STAT5A: variants seen among roughly 807,000 people sequenced by gnomAD.
The protein encoded by STAT5A is signal transducer and activator of transcription 5A.
A neutral mutation model predicts 100.2 loss-of-function variants in STAT5A; 26 were observed. The observed-to-expected ratio is 0.26, with a 90% CI of 0.19 to 0.36. The LOEUF (loss-of-function observed/expected upper bound fraction) is 0.36. STAT5A is among the 10% of genes least tolerant of loss of function. The pLI is 1.00. For synonymous variants in STAT5A, 330 were observed against 424.3 expected (o/e 0.78, Z 2.73); for missense variants, 634 against 1,027.5 (o/e 0.62, Z 5.24).
intron 1 of STAT5A, among the ~76,000 whole-genome samples, chr17:42,289,021 A>C (rs974217166): frequency 2.0e-5 from 3 of 152,208 alleles, no homozygotes; most frequent in African/African-American, 7.2e-5. Flanking sequence ...CCCTTCCCAG[A>C]AACCGGGCCC....
chr17:42,310,589 C>A lies in STAT5A; in HGVS notation c.2305C>A (p.Arg769Ser). ...DVARHVEELL[R>S]RPMDSLDSRL... ...GGCCAGGCACGTGGAGGAACTCTTACGCCGACCAATGGACAGTCTTGACTC... is the reference window on the plus strand; with the variant it reads ...GGCCAGGCACGTGGAGGAACTCTTAAGCCGACCAATGGACAGTCTTGACTC... Residue 769 changes from arginine (R) to serine (S), a missense_variant, in exon 19 of 19, where the codon CGC becomes AGC. By Grantham distance (110) the Arg-to-Ser change is moderately radical. Transcript: ENST00000590949. 2.5e-6 allele frequency: 4 copies of A among 1,614,234 alleles called. No individual in the cohort carries two copies. Among genetic ancestry groups the A allele is most frequent in the Non-Finnish European group, 3.4e-6 (4 of 1,180,036 alleles).
At chr17:42,296,524 A>C (rs764153461) in intron 5 of STAT5A, among the ~76,000 whole-genome samples, 4 of 152,212 alleles carry the variant, frequency 2.6e-5, no homozygotes, top group Non-Finnish European at 5.9e-5. Context: ...GTAACACCTC[A>C]TCTTAGTGAG....
rs993007020 is a variant in STAT5A at position 42,307,593 on chromosome 17, G to T, written c.1776G>T (p.Gly592=). 2 of 1,614,088 alleles carry T rather than the reference G, an allele frequency of 1.2e-6. No homozygotes were observed. Among genetic ancestry groups the T allele is most frequent in the Non-Finnish European group, 1.7e-6 (2 of 1,179,994 alleles). ...GACGCTCAATGCTCCGTGCACCCAGGGCCATCCTAGGTTTTGTGAATAAGC... is the reference window on the plus strand; with the variant it reads ...GACGCTCAATGCTCCGTGCACCCAGTGCCATCCTAGGTTTTGTGAATAAGC... ...KKHHKPHWND[G]AILGFVNKQQ... The change falls in exon 15 of 19, where the codon GGG becomes GGT. Residue 592 remains glycine (G), a splice_region_variant and synonymous_variant. Transcript: ENST00000590949.
chr17:42,307,358 G>T, intron 13 of STAT5A, 44 bp from the exon 14 acceptor site: 1 of 1,599,012 alleles, frequency 6.3e-7, no homozygotes, highest in Non-Finnish European at 8.5e-7. Flanking sequence ...GGCCACCTGT[G>T]ACCTGGGGCA....
rs1567686137 is a variant in STAT5A, at chr17:42,289,938, G to A, written c.201G>A (p.Glu67=). 1 of 1,605,782 alleles carries A rather than the reference G, an allele frequency of 6.2e-7. No homozygotes were observed. The highest frequency in any genetic ancestry group is 8.5e-7 in the Non-Finnish European group (1 of 1,176,310). ...ATQLLEGLVQ[E]LQKKAEHQVG... The stretch of plus-strand genomic sequence containing the variant: ...AGCTCCTGGAGGGCCTGGTGCAGGA[G>A]CTGCAGAAGAAGGCGGAGCACCAGG... Residue 67 remains glutamate (E), a synonymous_variant, in exon 3 of 19, where the codon GAG becomes GAA. Transcript: ENST00000590949.
chr17:42,297,464 C>T (rs1474265786), intron 5 of STAT5A, among the ~76,000 whole-genome samples: 1 of 151,938 alleles, frequency 6.6e-6, no homozygotes, highest in Non-Finnish European at 1.5e-5. Flanking sequence ...TTGGATCTAT[C>T]ATGCAGTGTC....
chr17:42,293,050 GAAAT>G (rs1425760095), intron 4 of STAT5A, among the ~76,000 whole-genome samples: 1 of 152,210 alleles, frequency 6.6e-6, no homozygotes, highest in Admixed American at 6.5e-5. Flanking sequence ...CCCCAGTTCT[GAAAT>G]AATAAAGGCA....
At chr17:42,296,091 C>T (rs1473440839) in intron 5 of STAT5A, among the ~76,000 whole-genome samples, 1 of 152,208 alleles carries the variant, frequency 6.6e-6, no homozygotes, top group African/African-American at 2.4e-5. Context: ...CTGTAAATTA[C>T]AGAACTGGAT....
At position 42,308,959 on chromosome 17, in the gene STAT5A, A is replaced by C; in HGVS notation, c.2063-88A>C. ...GCTGAGAACACAAGGTGATGTGAGC[A>C]GGAGGGAGACTACATGGGGCGTGGG... is the stretch of plus-strand genomic sequence containing the variant. On this transcript the variant is annotated intron_variant, in intron 16 of 18. Transcript: ENST00000590949. This position sits in a 1 kb window ranked among gnomAD's most constrained non-coding sequence, Gnocchi z 4.6. 3.3e-6 allele frequency: 5 copies of C among 1,530,256 alleles called. No homozygotes were observed. Among genetic ancestry groups the C allele is most frequent in the South Asian group, 2.3e-5 (2 of 88,836 alleles). The allele number at this position is 1,530,256 out of a possible 1,614,324, so 94.8% of individuals were successfully genotyped here.
chr17:42,306,127 C>T (rs971631231), intron 12 of STAT5A, 114 bp from the exon 13 acceptor site: 7 of 1,549,430 alleles, frequency 4.5e-6, no homozygotes, highest in Admixed American at 1.9e-5. Context: ...TTTGTGTCAC[C>T]TTTCTGGATC....
intron 4 of STAT5A, among the ~76,000 whole-genome samples, chr17:42,292,825 T>G (rs1483511630): frequency 1.3e-5 from 2 of 151,736 alleles, no homozygotes; most frequent in Non-Finnish European, 2.9e-5. Flanking sequence ...AGACGTGGTT[T>G]CACTATGTTG....
At chr17:42,294,553 G>A (rs2080900525) in intron 4 of STAT5A, among the ~76,000 whole-genome samples, 1 of 152,230 alleles carries the variant, frequency 6.6e-6, no homozygotes, top group African/African-American at 2.4e-5. Flanking sequence ...CACACTTTTA[G>A]ATAGGACTAC....
chr17:42,292,835 G>A (rs2080884120), intron 4 of STAT5A, among the ~76,000 whole-genome samples: 1 of 151,684 alleles, frequency 6.6e-6, no homozygotes, highest in Non-Finnish European at 1.5e-5. Flanking sequence ...TCACTATGTT[G>A]GCCAGGCTGG....
rs144279021 is a variant in STAT5A at position 42,305,332 on chromosome 17, G to A, written c.1381-278G>A. 1.2e-3 allele frequency among the ~76,000 whole-genome samples: 181 copies of A among 151,958 alleles called. 1 individual carries two copies. The highest frequency in any genetic ancestry group is 4.1e-3 in the African/African-American group (170 of 41,436). On this transcript the variant is annotated intron_variant, in intron 11 of 18. Transcript: ENST00000590949. ...AACCTGACCAACATGGAGAAACCCC[G>A]TCTCTACTAAAAATACAAAATTAGC...
At chr17:42,306,582 A>T (rs2081031093) in intron 13 of STAT5A, 135 bp downstream of exon 13, 3 of 1,426,168 alleles carry the variant, frequency 2.1e-6, no homozygotes, top group African/African-American at 1.4e-5. Flanking sequence ...ACCAGGAGAG[A>T]TGGGGGCCCC....
rs753209953 is a variant in STAT5A at position 42,306,466 on chromosome 17, A to T, written c.1680+19A>T. On this transcript the variant is annotated intron_variant, in intron 13 of 18. Transcript: ENST00000590949. ...CAACAGGGTGAGGGGCCCAGCTGCCAGCCGCCCACCAGGGCCCACCGGGGT... is the reference window on the plus strand; with the variant it reads ...CAACAGGGTGAGGGGCCCAGCTGCCTGCCGCCCACCAGGGCCCACCGGGGT... The T allele has an allele frequency of 6.2e-6, 10 of 1,601,380 alleles. No homozygotes were observed. In the Admixed American group the frequency reaches 1.7e-4, roughly 28 times the overall value.
At chr17:42,297,150 C>G (rs966756467) in intron 5 of STAT5A, among the ~76,000 whole-genome samples, 8 of 151,962 alleles carry the variant, frequency 5.3e-5, no homozygotes, top group African/African-American at 1.9e-4. Context: ...GTTGTCCAGG[C>G]TGGTTGCAAC....
At position 42,295,606 on chromosome 17, in the gene STAT5A, C is replaced by T. The variant is rs777481768; in HGVS notation, c.376-13C>T. 84 of 1,610,084 alleles carry T rather than the reference C, an allele frequency of 5.2e-5. 1 individual carries two copies. The highest frequency in any genetic ancestry group is 6.5e-5 in the Non-Finnish European group (77 of 1,178,006). The stretch of plus-strand genomic sequence containing the variant: ...TCTCTTCCCCGAGTTATTTCCATTC[C>T]ATCTGTCTCCAGTGCAGCTCTCCGG... On this transcript the variant is annotated splice_polypyrimidine_tract_variant and intron_variant, in intron 4 of 18. Transcript: ENST00000590949.
In STAT5A at chr17:42,301,380, TC is replaced by T. The variant is rs759027671; in HGVS notation, c.1102del (p.Gln368ArgfsTer2). 3 of 1,613,698 alleles carry T rather than the reference TC, an allele frequency of 1.9e-6. No individual in the cohort carries two copies. Among genetic ancestry groups the T allele is most frequent in the Non-Finnish European group, 2.5e-6 (3 of 1,179,940 alleles). On this transcript the variant is annotated frameshift_variant, in exon 9 of 19. Coordinates refer to ENST00000590949, the MANE Select transcript of STAT5A (RefSeq NM_001288718.2). LOFTEE classifies it high-confidence loss of function. ...GCGGGAAGCTGAACGTGCACATGAA[TC>T]CCCCCCAGGTGAAGGCCACCATCAT... ...VGGKLNVHMN[P>X]PQVKATIISE...
Sources: gnomAD v4.1 joint callset for allele counts (sites outside exome capture counted in the v4.1 genomes callset) on GRCh38, gnomAD v4.1.1 for gene constraint, Gnocchi (gnomAD v3.1) non-coding constraint, MANE v1.5 for transcripts, NCBI Gene and HGNC (gene_info 2026-07-23, HGNC 2026-07-21) for gene names.